The following ZNF506 variants were observed in gnomAD, a reference collection of about 807,000 sequenced individuals.
ZNF506 encodes zinc finger protein 506.
Under a neutral mutation model 11.6 loss-of-function variants are expected in ZNF506, and 10 were observed. That is an observed-to-expected ratio of 0.86 (90% confidence interval 0.53 to 1.46). The LOEUF (loss-of-function observed/expected upper bound fraction) is 1.46, where lower values mean the gene tolerates loss of function less well. Among genes scored for constraint, ZNF506 ranks in the 40% most tolerant of loss-of-function variants. The pLI is 0.00. For synonymous variants in ZNF506, 156 were observed against 173.3 expected (o/e 0.90, Z 0.78); for missense variants, 425 against 521.2 (o/e 0.82, Z 1.80).
intron 1 of ZNF506, among the ~76,000 whole-genome samples, chr19:19,814,915 G>C (rs933588017): frequency 2.6e-5 from 4 of 152,110 alleles, no homozygotes; most frequent in Admixed American, 6.6e-5. Context: ...AATATGCTAG[G>C]AGACTTGTAG....
At chr19:19,802,103 G>A (rs2062799203) in intron 3 of ZNF506, among the ~76,000 whole-genome samples, 1 of 151,186 alleles carries the variant, frequency 6.6e-6, no homozygotes, top group Non-Finnish European at 1.5e-5. Flanking sequence ...TACTTGGGAG[G>A]CTGAGGCATG....
At chr19:19,795,751 G>GT in intron 3 of ZNF506, 91 bp from the exon 4 acceptor site, 2 of 1,248,504 alleles carry the variant, frequency 1.6e-6, no homozygotes. Context: ...TACAAACTAC[G>GT]TAAGCAAGAT....
Position 19,792,844 on chromosome 19 carries a change from T to C in ZNF506, c.*1708A>G, listed in dbSNP as rs1393070014. On this transcript the variant is annotated 3_prime_UTR_variant, in exon 4 of 4. Transcript: ENST00000540806. The stretch of plus-strand genomic sequence containing the variant: ...AAAGCAAAACATCAACATTAAGTCA[T>C]AGGCTAGGATTATACAAATGAGAAC... 6.6e-6 allele frequency among the ~76,000 whole-genome samples: 1 copy of C among 152,156 alleles called. No individual in the cohort carries two copies. Among genetic ancestry groups the C allele is most frequent in the Non-Finnish European group, 1.5e-5 (1 of 68,024 alleles).
At chr19:19,815,246 C>T (rs566591814) in intron 1 of ZNF506, among the ~76,000 whole-genome samples, 2 of 152,198 alleles carry the variant, frequency 1.3e-5, no homozygotes, top group South Asian at 2.1e-4. Flanking sequence ...GGCAACACAG[C>T]GAGACTCCAT....
chr19:19,821,560 G>C, intron 1 of ZNF506, 41 bp downstream of exon 1: 1 of 1,613,856 alleles, frequency 6.2e-7, no homozygotes. Flanking sequence ...GTTCCAACCA[G>C]CCCCTCTCCC....
Position 19,795,380 on chromosome 19 carries a change from T to C in ZNF506, c.507A>G (p.Gly169=), listed in dbSNP as rs2062731825. 6.2e-7 allele frequency: 1 copy of C among 1,607,986 alleles called. No homozygotes were observed. The highest frequency in any genetic ancestry group is 8.5e-7 in the Non-Finnish European group (1 of 1,176,750). ...NSNKHKIRDT[G]KKSFKCIEYG... ...ATTCTATACATTTAAAAGATTTTTT[T>C]CCAGTATCTCTTATCTTATGTTTGT... The change falls in exon 4 of 4, where the codon GGA becomes GGG. Residue 169 remains glycine, a synonymous_variant. Coordinates refer to ENST00000540806, the MANE Select transcript of ZNF506 (RefSeq NM_001099269.3).
At chr19:19,807,553 C>A (rs1471146158) in intron 1 of ZNF506, among the ~76,000 whole-genome samples, 6 of 152,110 alleles carry the variant, frequency 3.9e-5, no homozygotes, top group African/African-American at 1.4e-4. Context: ...GTTGCCCAGG[C>A]TGGAGTGCAA....
rs542196150 is a variant in ZNF506, at chr19:19,803,735, A to G, written c.226+2296T>C. 1.2e-3 allele frequency among the ~76,000 whole-genome samples: 176 copies of G among 152,324 alleles called. 1 individual carries two copies. Among genetic ancestry groups the G allele is most frequent in the African/African-American group, 4.1e-3 (172 of 41,570 alleles). On this transcript the variant is annotated intron_variant, in intron 3 of 3. Coordinates refer to ENST00000540806, the MANE Select transcript of ZNF506 (RefSeq NM_001099269.3). ...TTACTTTCTAAAATTAGTTTATGAAAACTTGAAGAGGTGTTTTGTTTTCTC... is the reference window on the plus strand; with the variant it reads ...TTACTTTCTAAAATTAGTTTATGAAGACTTGAAGAGGTGTTTTGTTTTCTC...
chr19:19,811,412 C>T (rs2145198180), intron 1 of ZNF506, among the ~76,000 whole-genome samples: 1 of 152,294 alleles, frequency 6.6e-6, no homozygotes, highest in South Asian at 2.1e-4. Context: ...CCTGCCTTGA[C>T]CTCTCAAGTG....
At chr19:19,811,718 C>G (rs1239913734) in intron 1 of ZNF506, among the ~76,000 whole-genome samples, 1 of 152,088 alleles carries the variant, frequency 6.6e-6, no homozygotes, top group Non-Finnish European at 1.5e-5. Context: ...AGTAGGCTCA[C>G]TTGAATCAGG....
intron 3 of ZNF506, chr19:19,797,198 A>C (rs1161869884): frequency 6.6e-6 from 1 of 152,204 alleles, no homozygotes; most frequent in African/African-American, 2.4e-5. Flanking sequence ...TAATCCCAAC[A>C]CACTGGGAGG....
chr19:19,814,212 C>A (rs999595488), intron 1 of ZNF506, among the ~76,000 whole-genome samples: 3 of 151,890 alleles, frequency 2.0e-5, no homozygotes, highest in African/African-American at 7.2e-5. Flanking sequence ...AGTTTGAGAC[C>A]AGCCTGACCA....
At chr19:19,817,640 C>T (rs1041602526) in intron 1 of ZNF506, among the ~76,000 whole-genome samples, 1 of 152,010 alleles carries the variant, frequency 6.6e-6, no homozygotes, top group Non-Finnish European at 1.5e-5. Context: ...AGGGGTGGCT[C>T]CTCAGAAAGA....
At chr19:19,807,710 T>C (rs1270188633) in intron 1 of ZNF506, among the ~76,000 whole-genome samples, 2 of 152,080 alleles carry the variant, frequency 1.3e-5, no homozygotes, top group Non-Finnish European at 2.9e-5. Flanking sequence ...GGTTTCTCCA[T>C]GTTGGTCAGG....
chr19:19,805,758 C>T (rs1364714172), intron 3 of ZNF506, among the ~76,000 whole-genome samples: 3 of 152,050 alleles, frequency 2.0e-5, no homozygotes, highest in Admixed American at 6.6e-5. Context: ...TCTTATCTGT[C>T]ATGAAGAGGA....
Position 19,795,381 on chromosome 19 carries a change from C to A in ZNF506, c.506G>T (p.Gly169Val), listed in dbSNP as rs751592997. The A allele has an allele frequency of 1.2e-6, 2 of 1,607,294 alleles. No individual in the cohort carries two copies. Among genetic ancestry groups the A allele is most frequent in the South Asian group, 2.2e-5 (2 of 89,852 alleles). ...TTCTATACATTTAAAAGATTTTTTT[C>A]CAGTATCTCTTATCTTATGTTTGTT... ...NSNKHKIRDT[G>V]KKSFKCIEYG... is the part of the protein sequence containing the mutation. The change falls in exon 4 of 4, where the codon GGA becomes GTA. Residue 169 changes from glycine to valine, a missense_variant. Around this residue, in one of 3 missense-constraint regions of ZNF506, gnomAD observed 226 missense variants for 279.1 expected, o/e 0.81. Coordinates refer to ENST00000540806, the MANE Select transcript of ZNF506 (RefSeq NM_001099269.3).
At position 19,807,952 on chromosome 19, in the gene ZNF506, A is replaced by C. The variant is rs575400625; in HGVS notation, c.4-884T>G. Among the ~76,000 whole-genome samples the C allele has an allele frequency of 9.9e-5, 15 of 152,164 alleles. No individual in the cohort carries two copies. In the East Asian group the frequency reaches 2.9e-3, roughly 29 times the overall value. ...ATAAACAAAGAGCCCTCATTTATCA[A>C]AGAAAATATGTAGGAAAAAAATAAG... is the stretch of plus-strand genomic sequence containing the variant. On this transcript the variant is annotated intron_variant, in intron 1 of 3. Transcript: ENST00000540806.
rs2062723527 is a variant in ZNF506, at chr19:19,794,717, A to G, written c.1170T>C (p.Ile390=). The G allele has an allele frequency of 6.2e-7, 1 of 1,613,870 alleles. No individual in the cohort carries two copies. Among genetic ancestry groups the G allele is most frequent in the Non-Finnish European group, 8.5e-7 (1 of 1,179,988 alleles). Residue 390 remains isoleucine, a synonymous_variant, in exon 4 of 4, where the codon ATT becomes ATC. Transcript: ENST00000540806. ...ATTTGTACGGTTTCTCTCCAGTATG[A>G]ATTATCTTATGTTCAGTTAGAGTTG... ...AFSTLTEHKI[I]HTGEKPYKCE... is the part of the protein sequence containing the mutation.
At position 19,794,603 on chromosome 19, in the gene ZNF506, C is replaced by T. The variant is rs764085584; in HGVS notation, c.1284G>A (p.Lys428=). ...IHIRQKPCIV[K]NVENLLNVPQ... is the part of the protein sequence containing the mutation. ...GAACATTTAAAAGATTTTCCACATT[C>T]TTCACTATGCAGGGTTTCTGTCTAA... Residue 428 remains lysine, a synonymous_variant, in exon 4 of 4, where the codon AAG becomes AAA. Transcript: ENST00000540806. 3.7e-6 allele frequency: 6 copies of T among 1,607,018 alleles called. No homozygotes were observed. In the Admixed American group the frequency reaches 6.9e-5, roughly 18 times the overall value.
Sources: gnomAD v4.1 joint callset for allele counts (sites outside exome capture counted in the v4.1 genomes callset) on GRCh38, gnomAD v4.1.1 for gene constraint, gnomAD v4.1.1 regional missense constraint, MANE v1.5 for transcripts, NCBI Gene and HGNC (gene_info 2026-07-23, HGNC 2026-07-21) for gene names.